FAM120A: variants seen among roughly 807,000 people sequenced by gnomAD.
The protein encoded by FAM120A is constitutive coactivator of PPAR-gamma-like protein 1.
Under a neutral mutation model 109.7 loss-of-function variants are expected in FAM120A, and 15 were observed. The observed-to-expected ratio is 0.14, with a 90% CI of 0.09 to 0.21. The LOEUF (loss-of-function observed/expected upper bound fraction) is 0.21, where lower values mean the gene tolerates loss of function less well. FAM120A is among the 10% of genes least tolerant of loss of function. The pLI, the probability that FAM120A is intolerant of heterozygous loss-of-function variation, is 1.00. For synonymous variants in FAM120A, 493 were observed against 572.8 expected (o/e 0.86, Z 1.99); for missense variants, 899 against 1,439.3 (o/e 0.62, Z 6.07).
At position 93,497,405 on chromosome 9, in the gene FAM120A, G is replaced by C. The variant is rs1588842925; in HGVS notation, c.805-66G>C. 47 of 1,583,042 alleles carry C rather than the reference G, an allele frequency of 3.0e-5. No homozygotes were observed. The East Asian group carries it at 1.1e-3, about 36-fold the overall frequency. On this transcript the variant is annotated intron_variant, in intron 3 of 17. Transcript: ENST00000277165. Reference sequence around the variant, plus strand: ...GCTCCTTGTTGAATTTCTGGCTCCTGCATTCAGATTAGCCTGGTACTGGTT... The same window carrying C: ...GCTCCTTGTTGAATTTCTGGCTCCTCCATTCAGATTAGCCTGGTACTGGTT...
chr9:93,492,563 A>C (rs1859375463), intron 3 of FAM120A, among the ~76,000 whole-genome samples: 1 of 152,152 alleles, frequency 6.6e-6, no homozygotes, highest in South Asian at 2.1e-4. Context: ...GGATTAAAGA[A>C]GACGTCAGGG....
At chr9:93,456,094 AAAT>A (rs1857537512) in intron 1 of FAM120A, among the ~76,000 whole-genome samples, 1 of 152,248 alleles carries the variant, frequency 6.6e-6, no homozygotes. Context: ...AGAACAATGA[AAAT>A]AATAATACTT....
intron 13 of FAM120A, 64 bp from the exon 14 acceptor site, chr9:93,557,763 T>C: frequency 6.8e-7 from 1 of 1,468,600 alleles, no homozygotes. Flanking sequence ...TCTTTAGTGC[T>C]CATTTAAATT....
intron 5 of FAM120A, among the ~76,000 whole-genome samples, chr9:93,499,272 CT>C (rs1189947612): frequency 3.3e-5 from 5 of 151,588 alleles, no homozygotes; most frequent in Non-Finnish European, 5.9e-5. Flanking sequence ...TTCTTGACCC[CT>C]GCCTTTTTTT....
chr9:93,484,301 T>C (rs1858941693), intron 3 of FAM120A, among the ~76,000 whole-genome samples: 1 of 152,216 alleles, frequency 6.6e-6, no homozygotes, highest in Non-Finnish European at 1.5e-5. Flanking sequence ...GGGAGGTTTA[T>C]GCTCCTTCCT....
At position 93,452,641 on chromosome 9, in the gene FAM120A, GGAGA is replaced by G. The variant is rs769895950; in HGVS notation, c.474+256_474+259del. On this transcript the variant is annotated intron_variant, in intron 1 of 17. Transcript: ENST00000277165. The surrounding 1 kb of genome is among the most constrained non-coding windows in gnomAD (Gnocchi z 7.0). Reference sequence around the variant, plus strand: ...GCCGCGTGGGGACACTTGAGGGCTGGGAGAGAGCCCCGGACCAGAATTCGGAGGC... The same window carrying G: ...GCCGCGTGGGGACACTTGAGGGCTGGGAGCCCCGGACCAGAATTCGGAGGC... 3 of 1,599,206 alleles carry G rather than the reference GGAGA, an allele frequency of 1.9e-6. No individual in the cohort carries two copies. The highest frequency in any genetic ancestry group is 2.2e-5 in the South Asian group (2 of 91,080).
rs764432382 is a variant in FAM120A at position 93,561,193 on chromosome 9, G to A, written c.2891G>A (p.Arg964His). ...VGHWAGSRRG[R>H]GGRGPFPLQV... is the part of the protein sequence containing the mutation. Reference sequence around the variant, plus strand: ...CATTGGGCTGGGAGCAGGCGGGGCCGTGGGGGCCGGGGGCCTTTCCCCCTG... The same window carrying A: ...CATTGGGCTGGGAGCAGGCGGGGCCATGGGGGCCGGGGGCCTTTCCCCCTG... Residue 964 changes from arginine to histidine, a missense_variant, in exon 16 of 18, where the codon CGT (arginine) becomes CAT (histidine). This residue lies in a region of FAM120A where 170 missense variants were observed against 205.0 expected (regional missense o/e 0.83). Coordinates refer to ENST00000277165, the MANE Select transcript of FAM120A (RefSeq NM_014612.5). The A allele has an allele frequency of 8.1e-6, 13 of 1,613,512 alleles. No homozygotes were observed. Among genetic ancestry groups the A allele is most frequent in the Admixed American group, 3.3e-5 (2 of 59,936 alleles).
At chr9:93,525,351 C>T (rs10821151) in intron 7 of FAM120A, among the ~76,000 whole-genome samples, 42,361 of 151,862 alleles carry the variant, frequency 0.28, 6,972 homozygotes, top group East Asian at 0.42. Flanking sequence ...ACTTGGCCTC[C>T]CCTGCCCCAC....
intron 3 of FAM120A, among the ~76,000 whole-genome samples, chr9:93,494,779 A>C (rs201558153): frequency 6.6e-6 from 1 of 152,042 alleles, no homozygotes; most frequent in East Asian, 1.9e-4. Context: ...TGGTAGGAAG[A>C]CCTGCTTGTT....
At chr9:93,555,685 G>A (rs1862262745) in intron 12 of FAM120A, among the ~76,000 whole-genome samples, 1 of 152,192 alleles carries the variant, frequency 6.6e-6, no homozygotes, top group Non-Finnish European at 1.5e-5. Context: ...CGTATAGAAG[G>A]TAGGCACCCA....
intron 10 of FAM120A, among the ~76,000 whole-genome samples, chr9:93,540,520 C>T (rs1015265537): frequency 3.9e-5 from 6 of 152,284 alleles, no homozygotes; most frequent in East Asian, 1.9e-4. Flanking sequence ...TTCTAGGACT[C>T]GGAGCAGCCT....
intron 1 of FAM120A, among the ~76,000 whole-genome samples, chr9:93,455,043 A>G (rs1336420961): frequency 2.0e-5 from 3 of 152,194 alleles, no homozygotes; most frequent in Non-Finnish European, 2.9e-5. Flanking sequence ...ACTCCTGGGT[A>G]TTTTCCTAAT....
At chr9:93,475,082 C>G (rs142701017) in intron 2 of FAM120A, among the ~76,000 whole-genome samples, 1 of 152,228 alleles carries the variant, frequency 6.6e-6, no homozygotes, top group African/African-American at 2.4e-5. Context: ...TGCTTAGGAC[C>G]AGAAGTATTT....
At chr9:93,520,919 C>T (rs541759478) in intron 7 of FAM120A, among the ~76,000 whole-genome samples, 5 of 152,288 alleles carry the variant, frequency 3.3e-5, no homozygotes, top group African/African-American at 1.2e-4. Context: ...CTCTTCTTTT[C>T]GTTGTATTTC....
At chr9:93,513,787 C>T (rs990746380) in intron 5 of FAM120A, among the ~76,000 whole-genome samples, 10 of 152,150 alleles carry the variant, frequency 6.6e-5, no homozygotes, top group African/African-American at 1.9e-4. Flanking sequence ...CTCAGGAGGC[C>T]GGACCAAGGA....
At position 93,476,310 on chromosome 9, in the gene FAM120A, G is replaced by C; in HGVS notation, c.776G>C (p.Gly259Ala). 1 of 1,608,640 alleles carries C rather than the reference G, an allele frequency of 6.2e-7. No homozygotes were observed. The highest frequency in any genetic ancestry group is 8.5e-7 in the Non-Finnish European group (1 of 1,175,462). The change falls in exon 3 of 18, where the codon GGT becomes GCT. Residue 259 changes from glycine to alanine, a missense_variant. Physicochemically the swap from Gly to Ala is moderately conservative, Grantham distance 60. This residue lies in a region of FAM120A where 258 missense variants were observed against 451.4 expected (regional missense o/e 0.57). Coordinates refer to ENST00000277165, the MANE Select transcript of FAM120A (RefSeq NM_014612.5). ...GCTTCCTTTCACTGGAGTTTACTTGGTCCAGAACATCCACTAGCCTCACTA... is the reference window on the plus strand; with the variant it reads ...GCTTCCTTTCACTGGAGTTTACTTGCTCCAGAACATCCACTAGCCTCACTA... ...DLASFHWSLLGPEHPLASLKV... is the reference protein window; with the variant it reads ...DLASFHWSLLAPEHPLASLKV...
At position 93,516,015 on chromosome 9, in the gene FAM120A, G is replaced by A. The variant is rs201107481; in HGVS notation, c.1164G>A (p.Pro388=). 5.0e-4 allele frequency: 788 copies of A among 1,583,406 alleles called. No homozygotes were observed. The highest frequency in any genetic ancestry group is 4.0e-3 in the East Asian group (178 of 44,010). The change falls in exon 7 of 18, where the codon CCG becomes CCA. Residue 388 remains proline (P), a synonymous_variant. Coordinates refer to ENST00000277165, the MANE Select transcript of FAM120A (RefSeq NM_014612.5). ...AGGTGCCCAGCCCAGGGGGCGCCCC[G>A]GGCCAGGGTCCATACCCGTACAGCC... ...APQVPSPGGA[P]GQGPYPYSLS... is the part of the protein sequence containing the mutation.
At chr9:93,558,841 TG>T in intron 15 of FAM120A, 123 bp downstream of exon 15, 1 of 1,147,472 alleles carries the variant, frequency 8.7e-7, no homozygotes, top group Non-Finnish European at 1.2e-6. Flanking sequence ...GCCTTTCTTC[TG>T]GGTCCCCGCT....
chr9:93,484,866 C>A (rs892987425), intron 3 of FAM120A, among the ~76,000 whole-genome samples: 6 of 152,200 alleles, frequency 3.9e-5, no homozygotes, highest in African/African-American at 1.4e-4. Context: ...TGAGCCACTG[C>A]GCCCGGCCTG....
Sources: allele counts gnomAD v4.1 joint callset (sites outside exome capture counted in the v4.1 genomes callset), GRCh38; gene constraint gnomAD v4.1.1; regional missense constraint gnomAD v4.1.1; non-coding constraint Gnocchi (gnomAD v3.1); transcripts MANE v1.5; gene names NCBI Gene and HGNC (gene_info 2026-07-23, HGNC 2026-07-21).